CALCOCO1: variants seen among roughly 807,000 people sequenced by gnomAD.
The protein encoded by CALCOCO1 is calcium-binding and coiled-coil domain-containing protein 1.
CALCOCO1 carries 44 observed loss-of-function variants against 86.3 expected under a neutral mutation model. The observed-to-expected ratio is 0.51, with a 90% CI of 0.40 to 0.66. The LOEUF (loss-of-function observed/expected upper bound fraction) is 0.66. CALCOCO1 is among the 30% of genes least tolerant of loss of function. CALCOCO1 has a pLI of 0.00. For synonymous variants in CALCOCO1, 297 were observed against 327.6 expected, an observed-to-expected ratio of 0.91 and a Z score of 1.01; for missense variants, 708 against 851.1, an observed-to-expected ratio of 0.83 and a Z score of 2.09.
Position 53,711,390 on chromosome 12 carries a change from G to A in CALCOCO1, c.*554C>T, listed in dbSNP as rs142730902. The A allele has an allele frequency of 4.8e-4, 188 of 389,534 alleles. 1 individual carries two copies. In the East Asian group the frequency reaches 6.6e-3, roughly 14 times the overall value. The allele number at this position is 389,534 out of a possible 1,614,324, so 24.1% of individuals were successfully genotyped here. Reference sequence around the variant, plus strand: ...CTAAGGTTATGGAAAAGGCTAGGGTGGGGCACAGAAGTCAATGGGGGAACA... The same window carrying A: ...CTAAGGTTATGGAAAAGGCTAGGGTAGGGCACAGAAGTCAATGGGGGAACA... On this transcript the variant is annotated 3_prime_UTR_variant, in exon 15 of 15. Transcript: ENST00000550804.
chr12:53,720,407 T>C (rs994584901), intron 6 of CALCOCO1, among the ~76,000 whole-genome samples: 1 of 152,256 alleles, frequency 6.6e-6, no homozygotes, highest in Non-Finnish European at 1.5e-5. Context: ...TTCTTAACCA[T>C]TAAAAGATGT....
chr12:53,715,685 G>T, intron 9 of CALCOCO1, 108 bp downstream of exon 9: 5 of 1,469,658 alleles, frequency 3.4e-6, no homozygotes, highest in Non-Finnish European at 4.6e-6. Flanking sequence ...GTCCTCTAAG[G>T]TTCTCAACCC....
chr12:53,719,140 T>A (rs1945804466), intron 7 of CALCOCO1, among the ~76,000 whole-genome samples: 1 of 151,536 alleles, frequency 6.6e-6, no homozygotes, highest in African/African-American at 2.4e-5. Context: ...CCACTGTGCC[T>A]GGCCTCCACA....
intron 6 of CALCOCO1, among the ~76,000 whole-genome samples, chr12:53,720,551 C>A (rs957267150): frequency 6.6e-6 from 1 of 152,208 alleles, no homozygotes; most frequent in African/African-American, 2.4e-5. Context: ...GCTTTTCTAA[C>A]CTATGACTTA....
At chr12:53,720,187 A>C (rs1023341241) in intron 6 of CALCOCO1, among the ~76,000 whole-genome samples, 4 of 152,152 alleles carry the variant, frequency 2.6e-5, no homozygotes, top group Non-Finnish European at 4.4e-5. Context: ...AGAAGTTGGC[A>C]GACTCTTTCT....
chr12:53,715,133 C>A, intron 10 of CALCOCO1, 67 bp downstream of exon 10: 4 of 1,566,452 alleles, frequency 2.6e-6, no homozygotes, highest in Non-Finnish European at 3.5e-6. Flanking sequence ...ATACCCAAGA[C>A]AGAGAGAAGG....
rs1215120700 is a variant in CALCOCO1, at chr12:53,709,686, C to G, written c.*2258G>C. Reference sequence around the variant, plus strand: ...CGCAGTCCTCTTAAGTGCTTTTAGTCTGACAGTGTCTGTATCAGTGGCCTT... The same window carrying G: ...CGCAGTCCTCTTAAGTGCTTTTAGTGTGACAGTGTCTGTATCAGTGGCCTT... On this transcript the variant is annotated 3_prime_UTR_variant, in exon 15 of 15. Coordinates refer to ENST00000550804, the MANE Select transcript of CALCOCO1 (RefSeq NM_020898.3). 6.6e-6 allele frequency: 1 copy of G among 152,418 alleles called. No homozygotes were observed. The highest frequency in any genetic ancestry group is 1.5e-5 in the Non-Finnish European group (1 of 68,130). 9.4% of individuals were successfully genotyped at this position (152,418 alleles called of 1,614,324 possible).
chr12:53,721,813 A>G lies in CALCOCO1; in HGVS notation c.610-198T>C, dbSNP rs542205524. The G allele has an allele frequency of 1.1e-4, 85 of 797,532 alleles. 1 individual carries two copies. The African/African-American group carries it at 1.1e-3, about 10-fold the overall frequency. 49.4% of individuals were successfully genotyped at this position (797,532 alleles called of 1,614,324 possible). A position where few individuals can be genotyped will look rare whatever the true frequency, so the allele number is the denominator to read the frequency against. On this transcript the variant is annotated intron_variant, in intron 5 of 14. Transcript: ENST00000550804. ...ACCTCCACCTTACCCCAGCATTCCT[A>G]TGTTCAAAGAACTGAGTCTCATTAC...
chr12:53,716,422 G>A lies in CALCOCO1; in HGVS notation c.850-7C>T. 1 of 1,614,190 alleles carries A rather than the reference G, an allele frequency of 6.2e-7. No individual in the cohort carries two copies. Among genetic ancestry groups the A allele is most frequent in the Non-Finnish European group, 8.5e-7 (1 of 1,180,024 alleles). On this transcript the variant is annotated splice_polypyrimidine_tract_variant and splice_region_variant and intron_variant, in intron 7 of 14. Coordinates refer to ENST00000550804, the MANE Select transcript of CALCOCO1 (RefSeq NM_020898.3). ...GTGCCACTTGGAGCTCAGCCTGAGG[G>A]AAGTGGAAAGCAGGTAAGGAAAGGG...
Position 53,721,431 on chromosome 12 carries a change from G to C in CALCOCO1, c.758+36C>G, listed in dbSNP as rs2120623917. 3.2e-6 allele frequency: 5 copies of C among 1,560,220 alleles called. No homozygotes were observed. The East Asian group carries it at 9.2e-5, about 29-fold the overall frequency. Reference sequence around the variant, plus strand: ...GGCTGGAGTGCGGGGGTCATGGAAGGGAGAGGAAGTGACGGGGTCAGTGGA... The same window carrying C: ...GGCTGGAGTGCGGGGGTCATGGAAGCGAGAGGAAGTGACGGGGTCAGTGGA... On this transcript the variant is annotated intron_variant, in intron 6 of 14. Coordinates refer to ENST00000550804, the MANE Select transcript of CALCOCO1 (RefSeq NM_020898.3).
intron 1 of CALCOCO1, 116 bp downstream of exon 1, chr12:53,727,288 C>G (rs973722789): frequency 3.3e-5 from 5 of 152,200 alleles, no homozygotes; most frequent in Admixed American, 6.5e-5. Flanking sequence ...GGGTTACAAC[C>G]CAAACGCTCC....
Position 53,723,573 on chromosome 12 carries a change from C to T in CALCOCO1, c.450+20G>A, listed in dbSNP as rs745908876. On this transcript the variant is annotated intron_variant, in intron 4 of 14. Transcript: ENST00000550804. ...CTCCCACTCCCTTGTCTGGGAATAA[C>T]TCTGTTGCTCTTTTCTCACCTGTAA... 2 of 1,613,856 alleles carry T rather than the reference C, an allele frequency of 1.2e-6. No homozygotes were observed. Among genetic ancestry groups the T allele is most frequent in the African/African-American group, 1.3e-5 (1 of 74,916 alleles).
intron 11 of CALCOCO1, 134 bp downstream of exon 11, chr12:53,714,464 A>T: frequency 1.4e-6 from 1 of 710,808 alleles, no homozygotes; most frequent in Non-Finnish European, 2.4e-6. Context: ...CAAATCAGCT[A>T]ATAAGAGAAG....
intron 7 of CALCOCO1, among the ~76,000 whole-genome samples, chr12:53,718,958 C>T (rs562362960): frequency 6.7e-6 from 1 of 149,570 alleles, no homozygotes; most frequent in East Asian, 2.0e-4. Flanking sequence ...AGTGATTCTC[C>T]TGCCTCAGCC....
chr12:53,715,930 G>A lies in CALCOCO1; in HGVS notation c.1123C>T (p.Arg375Cys), dbSNP rs150916206. The change falls in exon 9 of 15, where the codon CGC (arginine) becomes TGC (cysteine). Residue 375 changes from arginine (R) to cysteine (C), a missense_variant. Transcript: ENST00000550804. ...ELASAAAARDRTIAELHRSRL... is the reference protein window; with the variant it reads ...ELASAAAARDCTIAELHRSRL... Reference sequence around the variant, plus strand: ...CTGCGGTGTAGTTCGGCTATGGTGCGGTCCCTGGCTGCTGCTGCACTGGCC... The same window carrying A: ...CTGCGGTGTAGTTCGGCTATGGTGCAGTCCCTGGCTGCTGCTGCACTGGCC... 3.3e-5 allele frequency: 53 copies of A among 1,613,902 alleles called. No homozygotes were observed. The highest frequency in any genetic ancestry group is 1.7e-4 in the African/African-American group (13 of 74,858).
chr12:53,725,556 C>T (rs147492237), intron 1 of CALCOCO1: 145 of 195,244 alleles, frequency 7.4e-4, no homozygotes, highest in African/African-American at 2.8e-3. Context: ...AGGACACTGA[C>T]GGGGACAGAG....
At chr12:53,722,323 C>A in intron 4 of CALCOCO1, 140 bp from the exon 5 acceptor site, 1 of 883,342 alleles carries the variant, frequency 1.1e-6, no homozygotes, top group South Asian at 1.6e-5. Flanking sequence ...AGGGGATGCT[C>A]AGTGTGCTAC....
intron 2 of CALCOCO1, 139 bp downstream of exon 2, chr12:53,724,948 G>T (rs1945983319): frequency 2.0e-6 from 2 of 995,852 alleles, no homozygotes; most frequent in South Asian, 3.3e-5. Flanking sequence ...TGGTTATACA[G>T]GCGGCCTCTG....
At chr12:53,715,408 G>T in intron 9 of CALCOCO1, 83 bp from the exon 10 acceptor site, 2 of 1,542,162 alleles carry the variant, frequency 1.3e-6, no homozygotes, top group South Asian at 1.2e-5. Context: ...ATCCCTTACT[G>T]TGTCCTTTCC....
Sources: gnomAD v4.1 joint callset for allele counts (sites outside exome capture counted in the v4.1 genomes callset) on GRCh38, gnomAD v4.1.1 for gene constraint, MANE v1.5 for transcripts, NCBI Gene and HGNC (gene_info 2026-07-23, HGNC 2026-07-21) for gene names.